Variants in CHL1 observed in about 807,000 individuals in gnomAD.
CHL1 encodes neural cell adhesion molecule L1-like protein.
A neutral mutation model predicts 141.9 loss-of-function variants in CHL1; 96 were observed. The observed-to-expected ratio is 0.68, with a 90% CI of 0.57 to 0.80. The LOEUF (loss-of-function observed/expected upper bound fraction) is 0.80, where lower values mean the gene tolerates loss of function less well. Ranked by LOEUF, CHL1 falls within the 30% of genes least tolerant of loss-of-function variation. CHL1 has a pLI of 0.00. For missense variants in CHL1, 1,820 were observed against 1,457.2 expected, an observed-to-expected ratio of 1.25 and a Z score of -4.05; for synonymous variants, 613 against 502.2, an observed-to-expected ratio of 1.22 and a Z score of -2.95.
chr3:335,490 G>A (rs1251084940), intron 5 of CHL1, among the ~76,000 whole-genome samples: 3 of 152,156 alleles, frequency 2.0e-5, no homozygotes, highest in African/African-American at 4.8e-5. Flanking sequence ...AGTTAGAGGT[G>A]ATAAAGTATG....
chr3:215,816 G>A (rs918932030), intron 1 of CHL1, among the ~76,000 whole-genome samples: 12 of 152,018 alleles, frequency 7.9e-5, no homozygotes, highest in African/African-American at 2.7e-4. Flanking sequence ...TTTACAACCT[G>A]ACTTTTGGGA....
At chr3:342,193 C>T (rs1702397353) in intron 7 of CHL1, 111 bp downstream of exon 7, 3 of 894,590 alleles carry the variant, frequency 3.4e-6, no homozygotes, top group South Asian at 4.0e-5. Context: ...CACCATTGTG[C>T]AGTTCAACTC....
At chr3:309,586 T>C (rs1478311548) in intron 2 of CHL1, among the ~76,000 whole-genome samples, 1 of 151,748 alleles carries the variant, frequency 6.6e-6, no homozygotes, top group Non-Finnish European at 1.5e-5. Flanking sequence ...CATAGCTCAC[T>C]CTAGCCCGAA....
chr3:293,385 C>T (rs925588101), intron 2 of CHL1, among the ~76,000 whole-genome samples: 1 of 152,052 alleles, frequency 6.6e-6, no homozygotes, highest in African/African-American at 2.4e-5. Flanking sequence ...TGCCTGTAGT[C>T]CCAGCTACTC....
At chr3:218,662 A>C (rs1700541141) in intron 1 of CHL1, among the ~76,000 whole-genome samples, 1 of 152,220 alleles carries the variant, frequency 6.6e-6, no homozygotes, top group Non-Finnish European at 1.5e-5. Context: ...GCTAACTTTC[A>C]AATCTATGTG....
At chr3:278,121 T>G (rs1696318024) in intron 2 of CHL1, among the ~76,000 whole-genome samples, 1 of 152,178 alleles carries the variant, frequency 6.6e-6, no homozygotes. Flanking sequence ...CCCTTCAAAA[T>G]AGAATACTGA....
intron 2 of CHL1, chr3:248,643 G>C (rs529010374): frequency 6.6e-6 from 1 of 152,022 alleles, no homozygotes; most frequent in Non-Finnish European, 1.5e-5. Context: ...GATTTTAATA[G>C]GCTCAAGCTC....
intron 1 of CHL1, among the ~76,000 whole-genome samples, chr3:235,447 A>C (rs540678397): frequency 6.6e-6 from 1 of 152,290 alleles, no homozygotes; most frequent in Admixed American, 6.5e-5. Flanking sequence ...AGCACTTAAG[A>C]GAGTGCCTGG....
intron 2 of CHL1, among the ~76,000 whole-genome samples, chr3:292,480 C>G (rs1697778910): frequency 6.6e-6 from 1 of 152,148 alleles, no homozygotes; most frequent in South Asian, 2.1e-4. Context: ...TACAAGACCA[C>G]TGGTGGAAAT....
intron 5 of CHL1, among the ~76,000 whole-genome samples, chr3:330,355 T>C (rs1286203702): frequency 6.6e-6 from 1 of 152,106 alleles, no homozygotes; most frequent in Non-Finnish European, 1.5e-5. Context: ...GGGATCTTTA[T>C]CATTTTAAAG....
intron 2 of CHL1, among the ~76,000 whole-genome samples, chr3:278,590 A>C (rs1696360704): frequency 1.3e-5 from 2 of 152,094 alleles, no homozygotes; most frequent in South Asian, 4.2e-4. Flanking sequence ...CATAAAATTA[A>C]CCTGTTTTCC....
At chr3:357,336 C>T (rs992145487) in intron 11 of CHL1, among the ~76,000 whole-genome samples, 3 of 152,132 alleles carry the variant, frequency 2.0e-5, no homozygotes, top group African/African-American at 7.2e-5. Context: ...ATATCCTTTC[C>T]CCATGTTATT....
At chr3:224,285 A>T (rs1701126629) in intron 1 of CHL1, among the ~76,000 whole-genome samples, 1 of 152,190 alleles carries the variant, frequency 6.6e-6, no homozygotes, top group African/African-American at 2.4e-5. Context: ...TCGAGGAATG[A>T]CCAAGGACAG....
At chr3:242,289 A>G (rs1172912225) in intron 1 of CHL1, among the ~76,000 whole-genome samples, 1 of 147,848 alleles carries the variant, frequency 6.8e-6, no homozygotes, top group African/African-American at 2.4e-5. Flanking sequence ...TGAAGGAATG[A>G]AAGAAAACCT....
intron 1 of CHL1, among the ~76,000 whole-genome samples, chr3:232,239 T>A (rs1237081103): frequency 6.6e-6 from 1 of 152,210 alleles, no homozygotes; most frequent in Non-Finnish European, 1.5e-5. Context: ...ATTTGGTCTT[T>A]TGAGTGACAC....
intron 5 of CHL1, among the ~76,000 whole-genome samples, chr3:337,858 C>A (rs150753427): frequency 6.6e-6 from 1 of 152,094 alleles, no homozygotes; most frequent in African/African-American, 2.4e-5. Flanking sequence ...TTCATAGCAG[C>A]ATGATTTATA....
At position 302,057 on chromosome 3, in the gene CHL1, G is replaced by A. The variant is rs536632815; in HGVS notation, c.-94-17626G>A. On this transcript the variant is annotated intron_variant, in intron 2 of 27. Coordinates refer to ENST00000256509, the MANE Select transcript of CHL1 (RefSeq NM_006614.4). ...AATGATGGTTTCCAGCTTTATCCAT[G>A]TCCCTGCAAAGGACAAGAACTCATC... 3.3e-5 allele frequency among the ~76,000 whole-genome samples: 5 copies of A among 152,296 alleles called. No homozygotes were observed. In the South Asian group the frequency reaches 1.0e-3, roughly 32 times the overall value.
chr3:385,358 G>A lies in CHL1; in HGVS notation c.2247+1472G>A, dbSNP rs188798993. On this transcript the variant is annotated intron_variant, in intron 19 of 27. Transcript: ENST00000256509. ...CTTATATGTCATAAAGAGAAACTGG[G>A]AATCTCAGAGTTTAATGACCTCACC... Among the ~76,000 whole-genome samples, 114 of 152,248 alleles carry A rather than the reference G, an allele frequency of 7.5e-4. 1 individual carries two copies. Among genetic ancestry groups the A allele is most frequent in the African/African-American group, 2.6e-3 (106 of 41,530 alleles).
At chr3:325,455 GA>G (rs71619451) in intron 3 of CHL1, among the ~76,000 whole-genome samples, 35,952 of 151,240 alleles carry the variant, frequency 0.24, 4,451 homozygotes, top group East Asian at 0.32. Flanking sequence ...TACCTGGAAA[GA>G]AAAAAAATGG....
Sources: allele counts gnomAD v4.1 joint callset (sites outside exome capture counted in the v4.1 genomes callset), GRCh38; gene constraint gnomAD v4.1.1; transcripts MANE v1.5; gene names NCBI Gene and HGNC (gene_info 2026-07-23, HGNC 2026-07-21).